The following CCNL2 variants were observed in gnomAD, a reference collection of about 807,000 sequenced individuals.
The protein encoded by CCNL2 is cyclin L2, also known as cyclin-L2.
A neutral mutation model predicts 59.1 loss-of-function variants in CCNL2; 28 were observed. That is an observed-to-expected ratio of 0.47 (90% CI 0.35 to 0.65). The LOEUF (loss-of-function observed/expected upper bound fraction) is 0.65. Ranked by LOEUF, CCNL2 falls within the 30% of genes least tolerant of loss-of-function variation. CCNL2 has a pLI of 0.00. For synonymous variants in CCNL2, 342 were observed against 288.6 expected (o/e 1.19, Z -1.88); for missense variants, 714 against 717.4 (o/e 1.00, Z 0.05).
chr1:1,388,016 CACAG>C lies in CCNL2; in HGVS notation c.1052_1055del (p.Ser351Ter). On this transcript the variant is annotated frameshift_variant, in exon 9 of 11. Coordinates refer to ENST00000400809, the MANE Select transcript of CCNL2 (RefSeq NM_030937.6). LOFTEE classifies it high-confidence loss of function. ...CCTCCAGCCTCCTCTTGGTGTTCTT[CACAG>C]ACAGTGGGGAAGGCTTGCTCCCTTT... 1 of 1,614,094 alleles carries C rather than the reference CACAG, an allele frequency of 6.2e-7. No homozygotes were observed.
chr1:1,395,576 C>G, intron 3 of CCNL2, 62 bp from the exon 4 acceptor site: 1 of 1,600,050 alleles, frequency 6.2e-7, no homozygotes, highest in Non-Finnish European at 8.5e-7. Flanking sequence ...TCTGAGATCC[C>G]GTCGTTACCT....
At chr1:1,395,956 T>C (rs1322592871) in intron 3 of CCNL2, among the ~76,000 whole-genome samples, 1 of 151,758 alleles carries the variant, frequency 6.6e-6, no homozygotes, top group Non-Finnish European at 1.5e-5. Context: ...GCAGGCAGAC[T>C]GCCTGAGCTC....
At chr1:1,392,233 G>A in intron 5 of CCNL2, 4 of 707,952 alleles carry the variant, frequency 5.7e-6, no homozygotes, top group Non-Finnish European at 6.9e-6. Flanking sequence ...CAGTATTCAA[G>A]TAGTGATATT....
In CCNL2 at chr1:1,388,073, C is replaced by T; in HGVS notation, c.1007-8G>A. 6.2e-7 allele frequency: 1 copy of T among 1,609,374 alleles called. No individual in the cohort carries two copies. Among genetic ancestry groups the T allele is most frequent in the South Asian group, 1.1e-5 (1 of 91,004 alleles). On this transcript the variant is annotated splice_polypyrimidine_tract_variant and splice_region_variant and intron_variant, in intron 8 of 10. Coordinates refer to ENST00000400809, the MANE Select transcript of CCNL2 (RefSeq NM_030937.6). ...CTTCTTTGGGGGATTCCACTAGAAT[C>T]AGAACAAGAGGTTAAAAGCCAACCA...
intron 3 of CCNL2, among the ~76,000 whole-genome samples, 191 bp downstream of exon 3, chr1:1,398,042 T>C (rs1173944306): frequency 2.0e-5 from 3 of 152,230 alleles, no homozygotes; most frequent in Non-Finnish European, 2.9e-5. Flanking sequence ...CTGGAGCCCC[T>C]GCCCTTACTA....
chr1:1,391,677 T>C lies in CCNL2; in HGVS notation c.660-812A>G, dbSNP rs1363671879. On this transcript the variant is annotated intron_variant, in intron 5 of 10. Transcript: ENST00000400809. ...TGAACATTTCATCACAGTACATTCTTTAACTTTCATATTTAGAAGCTATAA... is the reference window on the plus strand; with the variant it reads ...TGAACATTTCATCACAGTACATTCTCTAACTTTCATATTTAGAAGCTATAA... 7 of 644,442 alleles carry C rather than the reference T, an allele frequency of 1.1e-5. No individual in the cohort carries two copies. In the East Asian group the frequency reaches 5.7e-4, roughly 53 times the overall value. The allele number at this position is 644,442 out of a possible 1,614,324, so 39.9% of individuals were successfully genotyped here.
intron 4 of CCNL2, among the ~76,000 whole-genome samples, chr1:1,393,897 C>T (rs573970813): frequency 2.6e-5 from 4 of 152,202 alleles, no homozygotes; most frequent in Admixed American, 1.3e-4. Context: ...GAGGCTGAGG[C>T]GGGCAGATCA....
chr1:1,391,206 C>T, intron 5 of CCNL2: 4 of 1,115,834 alleles, frequency 3.6e-6, no homozygotes, highest in Non-Finnish European at 3.3e-6. Context: ...CACGATGCCT[C>T]AGAAAGAAAA....
chr1:1,397,992 A>G (rs986778868), intron 3 of CCNL2, among the ~76,000 whole-genome samples: 2 of 152,200 alleles, frequency 1.3e-5, no homozygotes, highest in African/African-American at 4.8e-5. Context: ...TAAAGCAGGA[A>G]GCCAGCCCCA....
Position 1,387,193 on chromosome 1 carries a change from G to T in CCNL2, c.*38C>A. Reference sequence around the variant, plus strand: ...AAGGGCAGCCATCAGGTACTCCCCAGGGAAGGGCTTGCGGCCACCAGTCAC... The same window carrying T: ...AAGGGCAGCCATCAGGTACTCCCCATGGAAGGGCTTGCGGCCACCAGTCAC... On this transcript the variant is annotated 3_prime_UTR_variant, in exon 11 of 11. Coordinates refer to ENST00000400809, the MANE Select transcript of CCNL2 (RefSeq NM_030937.6). 1 of 1,553,462 alleles carries T rather than the reference G, an allele frequency of 6.4e-7. No homozygotes were observed. Among genetic ancestry groups the T allele is most frequent in the Non-Finnish European group, 8.7e-7 (1 of 1,144,934 alleles).
At chr1:1,398,056 C>CT (rs1557737001) in intron 3 of CCNL2, among the ~76,000 whole-genome samples, 177 bp downstream of exon 3, 4 of 152,112 alleles carry the variant, frequency 2.6e-5, no homozygotes. Flanking sequence ...CTTACTAAAC[C>CT]GCATCTACTG....
chr1:1,391,442 G>A, intron 5 of CCNL2: 1 of 1,230,198 alleles, frequency 8.1e-7, no homozygotes, highest in Non-Finnish European at 1.0e-6. Context: ...GAGTCCACTT[G>A]GAAGAGGGAA....
chr1:1,390,948 A>T (rs1644732550), intron 5 of CCNL2, 83 bp from the exon 6 acceptor site: 3 of 1,186,012 alleles, frequency 2.5e-6, no homozygotes, highest in Non-Finnish European at 2.5e-6. Flanking sequence ...GAAAATCTAG[A>T]TAAACGTACT....
chr1:1,387,348 T>C lies in CCNL2; in HGVS notation c.1446A>G (p.Lys482=). Reference sequence around the variant, plus strand: ...TGTAGTAATGACTTTTCTTCTTGTATTTTCCCGGATTATCCGCCCGCTCCC... The same window carrying C: ...TGTAGTAATGACTTTTCTTCTTGTACTTTCCCGGATTATCCGCCCGCTCCC... ...RSRERADNPG[K]YKKKSHYYRD... The change falls in exon 11 of 11, where the codon AAA becomes AAG. Residue 482 remains lysine (K), a synonymous_variant. Coordinates refer to ENST00000400809, the MANE Select transcript of CCNL2 (RefSeq NM_030937.6). 1 of 1,614,146 alleles carries C rather than the reference T, an allele frequency of 6.2e-7. No homozygotes were observed. Among genetic ancestry groups the C allele is most frequent in the Non-Finnish European group, 8.5e-7 (1 of 1,180,032 alleles).
In CCNL2 at chr1:1,390,533, G is replaced by T. The variant is rs1056483140; in HGVS notation, c.790C>A (p.Leu264Ile). 1.2e-6 allele frequency: 2 copies of T among 1,613,694 alleles called. No homozygotes were observed. The highest frequency in any genetic ancestry group is 2.2e-5 in the East Asian group (1 of 44,890). Residue 264 changes from leucine to isoleucine, a missense_variant, in exon 7 of 11, where the codon CTT (leucine) becomes ATT (isoleucine). Physicochemically the swap from Leu to Ile is conservative, Grantham distance 5 (BLOSUM62 2). Around this residue, in one of 5 missense-constraint regions of CCNL2, gnomAD observed 403 missense variants for 377.7 expected, o/e 1.07. Coordinates refer to ENST00000400809, the MANE Select transcript of CCNL2 (RefSeq NM_030937.6). ...IPLPNRPHWF[L>I]LFGATEEEIQ... The stretch of plus-strand genomic sequence containing the variant: ...TCTTCTTCAGTTGCTCCAAACAAAA[G>T]AAACCAATGGGGACGATTGGGCAAA...
At chr1:1,396,872 C>A (rs1214356283) in intron 3 of CCNL2, among the ~76,000 whole-genome samples, 1 of 152,136 alleles carries the variant, frequency 6.6e-6, no homozygotes, top group Non-Finnish European at 1.5e-5. Flanking sequence ...CCTCAGCCTC[C>A]CAAGTAGCTG....
Position 1,390,787 on chromosome 1 carries a change from A to G in CCNL2, c.738T>C (p.Tyr246=). 11 of 1,614,162 alleles carry G rather than the reference A, an allele frequency of 6.8e-6. No homozygotes were observed. Among genetic ancestry groups the G allele is most frequent in the Non-Finnish European group, 9.3e-6 (11 of 1,180,018 alleles). Residue 246 remains tyrosine, a synonymous_variant, in exon 6 of 11, where the codon TAT becomes TAC. Coordinates refer to ENST00000400809, the MANE Select transcript of CCNL2 (RefSeq NM_030937.6). ...TGACCTCCAGCGTCCGGGCAGCAAGATAAATGCAGGCACAGGCGATGCTCT... is the reference window on the plus strand; with the variant it reads ...TGACCTCCAGCGTCCGGGCAGCAAGGTAAATGCAGGCACAGGCGATGCTCT... ...QPESIACACI[Y]LAARTLEIPL... is the part of the protein sequence containing the mutation.
chr1:1,386,584 C>T lies in CCNL2; in HGVS notation c.*647G>A, dbSNP rs1027001041. On this transcript the variant is annotated 3_prime_UTR_variant, in exon 11 of 11. Coordinates refer to ENST00000400809, the MANE Select transcript of CCNL2 (RefSeq NM_030937.6). ...GGAGCTGGTGGCCTGCACTCAGCAC[C>T]GCACAGATAAAAATATACGACTTTC... The T allele has an allele frequency of 2.0e-5, 3 of 152,630 alleles. No homozygotes were observed. The highest frequency in any genetic ancestry group is 4.4e-5 in the Non-Finnish European group (3 of 68,064). 9.5% of individuals were successfully genotyped at this position (152,630 alleles called of 1,614,324 possible). A position where few individuals can be genotyped will look rare whatever the true frequency, so the allele number is the denominator to read the frequency against.
In CCNL2 at chr1:1,390,443, A is replaced by G; in HGVS notation, c.864+16T>C. 6.2e-7 allele frequency: 1 copy of G among 1,612,738 alleles called. No individual in the cohort carries two copies. Among genetic ancestry groups the G allele is most frequent in the Admixed American group, 1.7e-5 (1 of 59,718 alleles). On this transcript the variant is annotated intron_variant, in intron 7 of 10. Transcript: ENST00000400809. ...AAACACAAACGCATACGTTACATGA[A>G]AAAATGCCGAAGAACCTTTTTCCGA... is the stretch of plus-strand genomic sequence containing the variant.
Sources: allele counts gnomAD v4.1 joint callset (sites outside exome capture counted in the v4.1 genomes callset), GRCh38; gene constraint gnomAD v4.1.1; regional missense constraint gnomAD v4.1.1; transcripts MANE v1.5; gene names NCBI Gene and HGNC (gene_info 2026-07-23, HGNC 2026-07-21).